The following DDAH1 variants were observed in gnomAD, a reference collection of about 807,000 sequenced individuals.
DDAH1 encodes the protein N(G),N(G)-dimethylarginine dimethylaminohydrolase 1.
In DDAH1, 19 loss-of-function variants were observed where a neutral mutation model predicts 28.8. That is an observed-to-expected ratio of 0.66 (90% CI 0.46 to 0.97). The LOEUF is 0.97. DDAH1 is among the 50% of genes least tolerant of loss of function. DDAH1 has a pLI of 0.00. For missense variants in DDAH1, 326 were observed against 375.9 expected, an observed-to-expected ratio of 0.87 and a Z score of 1.10; for synonymous variants, 153 against 154.4, an observed-to-expected ratio of 0.99 and a Z score of 0.07.
intron 1 of DDAH1, among the ~76,000 whole-genome samples, chr1:85,405,744 G>A (rs1310795270): frequency 6.6e-6 from 1 of 152,204 alleles, no homozygotes; most frequent in Non-Finnish European, 1.5e-5. Flanking sequence ...GAGCCTCAGA[G>A]AGGGGAGACA....
intron 1 of DDAH1, among the ~76,000 whole-genome samples, chr1:85,442,554 C>T (rs1146380): frequency 0.99 from 150,728 of 152,356 alleles, 74,581 homozygotes; most frequent in East Asian, 1. Context: ...AGTAAAGGGA[C>T]GGCTGGGTCA....
chr1:85,440,034 T>C (rs975744356), intron 1 of DDAH1, among the ~76,000 whole-genome samples: 2 of 152,190 alleles, frequency 1.3e-5, no homozygotes, highest in African/African-American at 2.4e-5. Flanking sequence ...ACCTGGATGA[T>C]GATCCAGGTC....
intron 4 of DDAH1, among the ~76,000 whole-genome samples, chr1:85,347,661 T>C (rs151316147): frequency 0.044 from 6,643 of 152,142 alleles, 508 homozygotes; most frequent in African/African-American, 0.15. Context: ...ATATACCTAA[T>C]GTAAATAACG....
At chr1:85,373,379 T>C (rs1650490031) in intron 1 of DDAH1, among the ~76,000 whole-genome samples, 3 of 152,178 alleles carry the variant, frequency 2.0e-5, no homozygotes, top group South Asian at 2.1e-4. Context: ...CAAATTGTAA[T>C]CTCCATGTCC....
chr1:85,448,810 C>G (rs1030460495), intron 1 of DDAH1, among the ~76,000 whole-genome samples: 2 of 152,144 alleles, frequency 1.3e-5, no homozygotes, highest in African/African-American at 4.8e-5. Context: ...TTTAATTAAA[C>G]ACAGTGAAAT....
At chr1:85,325,354 TGCGCGC>T (rs10666315) in intron 4 of DDAH1, among the ~76,000 whole-genome samples, 7 of 151,150 alleles carry the variant, frequency 4.6e-5, no homozygotes, top group African/African-American at 1.5e-4. Flanking sequence ...TGCACGTGCG[TGCGCGC>T]GCGCGCGCAC....
At chr1:85,429,188 CCT>C (rs1373894363) in intron 1 of DDAH1, among the ~76,000 whole-genome samples, 2 of 151,486 alleles carry the variant, frequency 1.3e-5, no homozygotes, top group Non-Finnish European at 2.9e-5. Flanking sequence ...CCAGCAGGCC[CCT>C]GTGTGTGATG....
chr1:85,322,068 C>T (rs1416208159), intron 5 of DDAH1, among the ~76,000 whole-genome samples: 2 of 152,064 alleles, frequency 1.3e-5, no homozygotes, highest in Non-Finnish European at 2.9e-5. Flanking sequence ...CAGATACACA[C>T]CACTATCCCT....
At position 85,349,364 on chromosome 1, in the gene DDAH1, T is replaced by G. The variant is rs572307348; in HGVS notation, c.597+1051A>C. On this transcript the variant is annotated intron_variant, in intron 4 of 5. Transcript: ENST00000284031. ...GAGGAAATTTAGCTCAAGGAAACGA[T>G]TGCTTCCCAGCCAAACCACCACACT... 9.9e-5 allele frequency among the ~76,000 whole-genome samples: 15 copies of G among 152,284 alleles called. No homozygotes were observed. In the East Asian group the frequency reaches 2.9e-3, roughly 29 times the overall value.
intron 1 of DDAH1, among the ~76,000 whole-genome samples, chr1:85,405,040 T>C (rs947502622): frequency 1.4e-4 from 21 of 152,350 alleles, no homozygotes; most frequent in Admixed American, 1.2e-3. Flanking sequence ...TTGACAAGGA[T>C]AGACATGTTA....
intron 3 of DDAH1, 39 bp from the exon 4 acceptor site, chr1:85,350,573 A>G (rs1322488319): frequency 1.2e-6 from 2 of 1,602,944 alleles, no homozygotes; most frequent in African/African-American, 2.7e-5. Context: ...TTAGTATTGC[A>G]GAATAATTCT....
intron 1 of DDAH1, among the ~76,000 whole-genome samples, chr1:85,368,149 A>G (rs1197063161): frequency 6.6e-6 from 1 of 152,152 alleles, no homozygotes; most frequent in African/African-American, 2.4e-5. Flanking sequence ...AAGACAGTAG[A>G]TTGTCAAACT....
At chr1:85,453,137 A>G (rs1330686519) in intron 1 of DDAH1, among the ~76,000 whole-genome samples, 1 of 152,194 alleles carries the variant, frequency 6.6e-6, no homozygotes, top group Non-Finnish European at 1.5e-5. Context: ...TATTGAGGCC[A>G]ACAAGCTATA....
In DDAH1 at chr1:85,320,024, A is replaced by G. The variant is rs1661256626; in HGVS notation, c.*1428T>C. On this transcript the variant is annotated 3_prime_UTR_variant, in exon 6 of 6. Transcript: ENST00000284031. The stretch of plus-strand genomic sequence containing the variant: ...GATTCTTAATCTTAAACAACAAGCC[A>G]CAGGCAATACAGGAAAGGTGGAGAT... The G allele has an allele frequency of 1.3e-5, 2 of 152,252 alleles. No individual in the cohort carries two copies. The allele number at this position is 152,252 out of a possible 1,614,324, so 9.4% of individuals were successfully genotyped here. A position where few individuals can be genotyped will look rare whatever the true frequency, so the allele number is the denominator to read the frequency against.
upstream of DDAH1, among the ~76,000 whole-genome samples, chr1:85,465,651 AGTACAAGTTTTTCTT>A (rs1557663199): frequency 1.3e-5 from 2 of 152,162 alleles, no homozygotes; most frequent in Non-Finnish European, 2.9e-5. Context: ...CCTTACCTAA[AGTACAAGTTTTTCTT>A]GTTTTGTGTG....
chr1:85,366,097 T>TAA (rs745539966), intron 1 of DDAH1, among the ~76,000 whole-genome samples: 64 of 140,788 alleles, frequency 4.5e-4, no homozygotes, highest in East Asian at 2.8e-3. Context: ...TGATAGCTGG[T>TAA]AAAAAAAAAA....
At chr1:85,492,234 T>C (rs1051479270) in intron 2 of DDAH1, among the ~76,000 whole-genome samples, 2 of 150,982 alleles carry the variant, frequency 1.3e-5, no homozygotes, top group African/African-American at 5.0e-5. Context: ...TGTAATAAGA[T>C]AATGCAGGTA....
chr1:85,383,191 T>TTTCCATTA (rs1651085773), intron 1 of DDAH1, among the ~76,000 whole-genome samples: 2 of 152,236 alleles, frequency 1.3e-5, no homozygotes, highest in South Asian at 4.1e-4. Context: ...TTAATCATTC[T>TTTCCATTA]AGATGTCATT....
At chr1:85,547,703 CA>C (rs1329175873) in intron 1 of DDAH1, among the ~76,000 whole-genome samples, 14 of 152,158 alleles carry the variant, frequency 9.2e-5, no homozygotes, top group African/African-American at 3.1e-4. Flanking sequence ...TGATTGACAG[CA>C]ATTGATTGAT....
Sources: allele counts gnomAD v4.1 joint callset (sites outside exome capture counted in the v4.1 genomes callset), GRCh38; gene constraint gnomAD v4.1.1; transcripts MANE v1.5; gene names NCBI Gene and HGNC (gene_info 2026-07-23, HGNC 2026-07-21).